The following GATA3 variants were observed in gnomAD, a reference collection of about 807,000 sequenced individuals.
GATA3 encodes trans-acting T-cell-specific transcription factor GATA-3.
A neutral mutation model predicts 36.0 loss-of-function variants in GATA3; 6 were observed. The ratio of observed to expected loss-of-function variants is 0.17; its 90% CI spans 0.09 to 0.33. The LOEUF (loss-of-function observed/expected upper bound fraction) is 0.33, where lower values mean the gene tolerates loss of function less well. Among genes scored for constraint, GATA3 ranks in the 10% least tolerant of loss-of-function variants. GATA3 has a pLI of 1.00. For missense variants in GATA3, 514 were observed against 610.1 expected, an observed-to-expected ratio of 0.84 and a Z score of 1.66; for synonymous variants, 326 against 273.0, an observed-to-expected ratio of 1.19 and a Z score of -1.92.
In GATA3 at chr10:8,071,861, T is replaced by C. The variant is rs1050506109; in HGVS notation, c.1051-1878T>C. ...TCGGTATCAGCATCTCTCAGTGGTGTTGTGACTGGTTATCTGGGGTTGTGT... is the reference window on the plus strand; with the variant it reads ...TCGGTATCAGCATCTCTCAGTGGTGCTGTGACTGGTTATCTGGGGTTGTGT... On this transcript the variant is annotated intron_variant, in intron 5 of 5. Coordinates refer to ENST00000379328, the MANE Select transcript of GATA3 (RefSeq NM_001002295.2). 1.6e-4 allele frequency among the ~76,000 whole-genome samples: 24 copies of C among 152,298 alleles called. No individual in the cohort carries two copies. The South Asian group carries it at 5.0e-3, about 32-fold the overall frequency.
At chr10:8,064,800 C>T (rs529546450) in intron 4 of GATA3, among the ~76,000 whole-genome samples, 1 of 152,360 alleles carries the variant, frequency 6.6e-6, no homozygotes, top group African/African-American at 2.4e-5. Flanking sequence ...TCATACCTGG[C>T]ATTTGGTCTT....
chr10:8,055,860 A>G lies in GATA3; in HGVS notation c.205A>G (p.Arg69Gly), dbSNP rs774154154. 23 of 1,574,454 alleles carry G rather than the reference A, an allele frequency of 1.5e-5. No homozygotes were observed. The highest frequency in any genetic ancestry group is 1.8e-5 in the Non-Finnish European group (21 of 1,159,658). ...HVPPYYGNSV[R>G]ATVQRYPPTH... ...CCCGCCCTACTACGGAAACTCGGTC[A>G]GGGCCACGGTGCAGAGGTACCCTCC... The change falls in exon 2 of 6, where the codon AGG (arginine) becomes GGG (glycine). Residue 69 changes from arginine to glycine, a missense_variant. Around this residue, in one of 3 missense-constraint regions of GATA3, gnomAD observed 381 missense variants for 354.3 expected, o/e 1.08. Transcript: ENST00000379328. This position sits in a 1 kb window ranked among gnomAD's most constrained non-coding sequence, Gnocchi z 5.4.
chr10:8,063,621 G>A (rs1223250488), intron 3 of GATA3, among the ~76,000 whole-genome samples: 2 of 152,112 alleles, frequency 1.3e-5, no homozygotes, highest in African/African-American at 4.8e-5. Context: ...TGGAATGTTT[G>A]CCTTTTGCCA....
At chr10:8,047,537 C>T (rs1832407091) in intron 1 of GATA3, among the ~76,000 whole-genome samples, 1 of 152,212 alleles carries the variant, frequency 6.6e-6, no homozygotes, top group African/African-American at 2.4e-5. Context: ...CAGAGAGAGG[C>T]TTTGTAGCCT....
upstream of GATA3, chr10:8,051,255 C>T (rs372178049): frequency 2.2e-3 from 875 of 390,482 alleles, 5 homozygotes; most frequent in Middle Eastern, 3.8e-3. Context: ...TCACCTTTTT[C>T]CCAAGAGGAC....
chr10:8,073,662 C>G (rs2131519280), intron 5 of GATA3, 77 bp from the exon 6 acceptor site: 1 of 1,482,082 alleles, frequency 6.7e-7, no homozygotes, highest in Non-Finnish European at 9.0e-7. Context: ...TGGAACCCTT[C>G]TTGGTGTGCG....
At chr10:8,053,742 G>C (rs1832560645), upstream of GATA3, 1 of 152,274 alleles carries the variant, frequency 6.6e-6, no homozygotes, top group Non-Finnish European at 1.5e-5. This position sits in a 1 kb window ranked among gnomAD's most constrained non-coding sequence, Gnocchi z 5.1. Context: ...ACCGAGGGCT[G>C]GTTTCCTTGA....
chr10:8,055,689 A>G lies in GATA3; in HGVS notation c.34A>G (p.Ser12Gly), dbSNP rs2131482217. 2 of 1,559,534 alleles carry G rather than the reference A, an allele frequency of 1.3e-6. No individual in the cohort carries two copies. The highest frequency in any genetic ancestry group is 1.7e-6 in the Non-Finnish European group (2 of 1,152,142). Residue 12 changes from serine to glycine, a missense_variant, in exon 2 of 6, where the codon AGC (serine) becomes GGC (glycine). Ser to Gly is a moderately conservative substitution (Grantham distance 56, BLOSUM62 0). Transcript: ENST00000379328. This position sits in a 1 kb window ranked among gnomAD's most constrained non-coding sequence, Gnocchi z 5.4. ...GACGGCGGACCAGCCGCGCTGGGTG[A>G]GCCACCACCACCCCGCCGTGCTCAA... ...EVTADQPRWV[S>G]HHHPAVLNGQ...
chr10:8,065,978 AAAAGAG>A (rs1174481547), intron 4 of GATA3, among the ~76,000 whole-genome samples: 87 of 147,690 alleles, frequency 5.9e-4, no homozygotes, highest in Middle Eastern at 3.5e-3. Flanking sequence ...AAAAAAAAAA[AAAAGAG>A]AGAGAGAGAG....
At chr10:8,051,880 C>A (rs1357301407), upstream of GATA3, among the ~76,000 whole-genome samples, 1 of 152,198 alleles carries the variant, frequency 6.6e-6, no homozygotes, top group Non-Finnish European at 1.5e-5. Flanking sequence ...GGCCACGCGC[C>A]GCAGCCTCTC....
chr10:8,063,703 G>T (rs376659633), intron 3 of GATA3, among the ~76,000 whole-genome samples: 1 of 152,156 alleles, frequency 6.6e-6, no homozygotes, highest in African/African-American at 2.4e-5. Flanking sequence ...GGTCCTGCCC[G>T]ATCTTCTCCA....
At chr10:8,063,420 C>T (rs1345768722) in intron 3 of GATA3, among the ~76,000 whole-genome samples, 1 of 152,144 alleles carries the variant, frequency 6.6e-6, no homozygotes, top group Non-Finnish European at 1.5e-5. Context: ...AATCTAAAAC[C>T]CTAGCTAGTG....
chr10:8,074,189 G>C lies in GATA3; in HGVS notation c.*166G>C. On this transcript the variant is annotated 3_prime_UTR_variant, in exon 6 of 6. Coordinates refer to ENST00000379328, the MANE Select transcript of GATA3 (RefSeq NM_001002295.2). ...ACTTTGCAAAGGAGCTCACTGTGGT[G>C]TCTGTGTTCCAACCACTGAATCTGG... 2 of 730,388 alleles carry C rather than the reference G, an allele frequency of 2.7e-6. No homozygotes were observed. The highest frequency in any genetic ancestry group is 4.4e-6 in the Non-Finnish European group (2 of 454,518). 45.2% of individuals were successfully genotyped at this position (730,388 alleles called of 1,614,324 possible).
At chr10:8,061,078 TC>T (rs1832739816) in intron 3 of GATA3, among the ~76,000 whole-genome samples, 2 of 148,166 alleles carry the variant, frequency 1.3e-5, no homozygotes, top group Non-Finnish European at 3.0e-5. Context: ...TCTCTCTCTC[TC>T]TCTCTCTCTC....
Position 8,073,856 on chromosome 10 carries a change from A to G in GATA3, c.1168A>G (p.Ser390Gly). ...CTCACTGGAGGACTTCCCCAAGAAC[A>G]GCTCGTTTAACCCGGCCGCCCTCTC... ...HDSLEDFPKN[S>G]SFNPAALSRH... Residue 390 changes from serine (S) to glycine (G), a missense_variant, in exon 6 of 6, where the codon AGC becomes GGC. By Grantham distance (56) the Ser-to-Gly change is moderately conservative. Around this residue, in one of 3 missense-constraint regions of GATA3, gnomAD observed 89 missense variants for 104.2 expected, o/e 0.85. Transcript: ENST00000379328. 1 of 1,614,178 alleles carries G rather than the reference A, an allele frequency of 6.2e-7. No homozygotes were observed. The highest frequency in any genetic ancestry group is 8.5e-7 in the Non-Finnish European group (1 of 1,180,044).
Position 8,058,525 on chromosome 10 carries a change from G to T in GATA3, c.462G>T (p.Pro154=). 2 of 1,608,374 alleles carry T rather than the reference G, an allele frequency of 1.2e-6. No individual in the cohort carries two copies. Among genetic ancestry groups the T allele is most frequent in the Non-Finnish European group, 1.7e-6 (2 of 1,178,534 alleles). ...CCAGCCCGCACCTCTTCACCTTCCC[G>T]CCCACCCCGCCGAAGGACGTCTCCC... ...GHASPHLFTF[P]PTPPKDVSPD... is the part of the protein sequence containing the mutation. The change falls in exon 3 of 6, where the codon CCG becomes CCT. Residue 154 remains proline, a synonymous_variant. Transcript: ENST00000379328.
chr10:8,070,650 G>A (rs1303890886), intron 5 of GATA3, among the ~76,000 whole-genome samples: 1 of 152,126 alleles, frequency 6.6e-6, no homozygotes, highest in Non-Finnish European at 1.5e-5. Flanking sequence ...GAATACCTGG[G>A]AATTGGGGAG....
At chr10:8,060,620 C>CG (rs1165215126) in intron 3 of GATA3, among the ~76,000 whole-genome samples, 1 of 151,184 alleles carries the variant, frequency 6.6e-6, no homozygotes, top group Non-Finnish European at 1.5e-5. Context: ...GTGGTTTGTG[C>CG]GGGGGGAGGG....
intron 5 of GATA3, among the ~76,000 whole-genome samples, chr10:8,072,004 C>T (rs999130513): frequency 6.6e-6 from 1 of 152,142 alleles, no homozygotes; most frequent in Non-Finnish European, 1.5e-5. Context: ...GGAGTAGATT[C>T]CTGTCATCTC....
Sources: gnomAD v4.1 joint callset for allele counts (sites outside exome capture counted in the v4.1 genomes callset) on GRCh38, gnomAD v4.1.1 for gene constraint, gnomAD v4.1.1 regional missense constraint, Gnocchi (gnomAD v3.1) non-coding constraint, MANE v1.5 for transcripts, NCBI Gene and HGNC (gene_info 2026-07-23, HGNC 2026-07-21) for gene names.